Variants in NECTIN2 observed in about 807,000 individuals in gnomAD.
NECTIN2 encodes the protein nectin-2.
In NECTIN2, 23 loss-of-function variants were observed where a neutral mutation model predicts 56.9. The observed-to-expected ratio is 0.40, with a 90% CI of 0.29 to 0.57. The LOEUF (loss-of-function observed/expected upper bound fraction) is 0.57. Among genes scored for constraint, NECTIN2 ranks in the 20% least tolerant of loss-of-function variants. The pLI is 0.38. For missense variants in NECTIN2, 587 were observed against 718.3 expected (o/e 0.82, Z 2.09); for synonymous variants, 302 against 313.8 (o/e 0.96, Z 0.40).
chr19:44,866,056 C>G (rs1003227778), intron 2 of NECTIN2, among the ~76,000 whole-genome samples: 27 of 151,900 alleles, frequency 1.8e-4, no homozygotes, highest in Non-Finnish European at 3.5e-4. Flanking sequence ...CCTATAATCC[C>G]AGATACTCAG....
chr19:44,847,988 G>T (rs1968856737), intron 1 of NECTIN2, among the ~76,000 whole-genome samples: 1 of 152,176 alleles, frequency 6.6e-6, no homozygotes, highest in Non-Finnish European at 1.5e-5. Context: ...CCCCTTGCAG[G>T]TGACCCGGTT....
chr19:44,874,272 G>A lies in NECTIN2; in HGVS notation c.894-58G>A, dbSNP rs545629907. ...CTGGTGGGTGTATCTTTAGGGATGA[G>A]GCCTGTGCTCCCCTCTCGACCTTGG... On this transcript the variant is annotated intron_variant, in intron 4 of 8. Transcript: ENST00000252483. This position sits in a 1 kb window ranked among gnomAD's most constrained non-coding sequence, Gnocchi z 6.3. 132 of 1,570,272 alleles carry A rather than the reference G, an allele frequency of 8.4e-5. No individual in the cohort carries two copies. Among genetic ancestry groups the A allele is most frequent in the Non-Finnish European group, 1.0e-4 (119 of 1,141,500 alleles).
intron 2 of NECTIN2, among the ~76,000 whole-genome samples, chr19:44,866,985 CA>C (rs2122669541): frequency 6.6e-6 from 1 of 152,068 alleles, no homozygotes; most frequent in African/African-American, 2.4e-5. Flanking sequence ...CCATCCTAGG[CA>C]ACATAGTAAG....
At chr19:44,871,390 T>G (rs1053316019) in intron 2 of NECTIN2, among the ~76,000 whole-genome samples, 1 of 152,066 alleles carries the variant, frequency 6.6e-6, no homozygotes, top group South Asian at 2.1e-4. Flanking sequence ...TAGCCGGGCA[T>G]GGTGGTGCAT....
intron 5 of NECTIN2, among the ~76,000 whole-genome samples, chr19:44,880,025 G>T (rs1245128039): frequency 6.6e-6 from 1 of 152,202 alleles, no homozygotes; most frequent in East Asian, 1.9e-4. Context: ...CCCTCCAGAG[G>T]ATGCCAGGCT....
chr19:44,857,484 C>T (rs550366713), intron 1 of NECTIN2, among the ~76,000 whole-genome samples: 3 of 151,648 alleles, frequency 2.0e-5, no homozygotes, highest in African/African-American at 4.8e-5. Context: ...TCACTGCAAC[C>T]TCCACCTCCC....
intron 1 of NECTIN2, among the ~76,000 whole-genome samples, chr19:44,849,422 C>T (rs950925792): frequency 6.6e-6 from 1 of 151,538 alleles, no homozygotes; most frequent in Non-Finnish European, 1.5e-5. Context: ...CAGGGGGCCT[C>T]AAGGCCAGCG....
In NECTIN2 at chr19:44,880,774, A is replaced by AT. The variant is rs750316064; in HGVS notation, c.1043-1419dup. Among the ~76,000 whole-genome samples, 841 of 122,106 alleles carry AT rather than the reference A, an allele frequency of 6.9e-3. 9 individuals carry two copies. The highest frequency in any genetic ancestry group is 0.02 in the African/African-American group (662 of 32,454). 80.1% of individuals were successfully genotyped at this position (122,106 alleles called of 152,430 possible). On this transcript the variant is annotated intron_variant, in intron 5 of 8. Transcript: ENST00000252483. The stretch of plus-strand genomic sequence containing the variant: ...AGTCACTGTGCCTGGCCCCTGGCTA[A>AT]TTTTTTTTTTTTTTTTTTAAGACGG...
intron 1 of NECTIN2, among the ~76,000 whole-genome samples, chr19:44,851,770 C>A (rs560003622): frequency 6.6e-6 from 1 of 152,334 alleles, no homozygotes; most frequent in East Asian, 1.9e-4. Context: ...CTGGCCATGT[C>A]CTGGCCAAGT....
intron 5 of NECTIN2, chr19:44,878,678 G>A (rs1220870500): frequency 6.0e-5 from 78 of 1,296,762 alleles, no homozygotes; most frequent in Non-Finnish European, 7.4e-5. Flanking sequence ...ACCTGACCAC[G>A]CCGGCCTAGG....
At chr19:44,857,962 G>C (rs1429326604) in intron 1 of NECTIN2, among the ~76,000 whole-genome samples, 5 of 152,178 alleles carry the variant, frequency 3.3e-5, no homozygotes, top group African/African-American at 1.2e-4. Context: ...ATAACAGAAG[G>C]TATTGATTGG....
At chr19:44,871,819 A>G in intron 2 of NECTIN2, 34 bp from the exon 3 acceptor site, 1 of 1,597,334 alleles carries the variant, frequency 6.3e-7, no homozygotes, top group Non-Finnish European at 8.6e-7. Context: ...ACTGCCGGTG[A>G]GGAGTGACGC....
At position 44,860,025 on chromosome 19, in the gene NECTIN2, TAAA is replaced by T. The variant is rs1168469338; in HGVS notation, c.89-5245_89-5243del. Among the ~76,000 whole-genome samples the T allele has an allele frequency of 3.0e-4, 45 of 152,082 alleles. 1 individual carries two copies. On this transcript the variant is annotated intron_variant, in intron 1 of 8. Transcript: ENST00000252483. The stretch of plus-strand genomic sequence containing the variant: ...CATGTAGTGGAATATTATTGAGCCT[TAAA>T]GAAGAGTGAAGCGCCGACACGTGTT...
intron 5 of NECTIN2, among the ~76,000 whole-genome samples, chr19:44,880,260 A>G (rs1276856117): frequency 6.7e-6 from 1 of 148,808 alleles, no homozygotes. Context: ...CTTCAGTGCC[A>G]TGCTGAGTCC....
chr19:44,866,975 C>A, intron 2 of NECTIN2, among the ~76,000 whole-genome samples: 2 of 152,050 alleles, frequency 1.3e-5, no homozygotes, highest in East Asian at 3.9e-4. Context: ...GAATTTGAGA[C>A]CATCCTAGGC....
chr19:44,848,138 C>G (rs2122618653), intron 1 of NECTIN2, among the ~76,000 whole-genome samples: 1 of 152,294 alleles, frequency 6.6e-6, no homozygotes, highest in East Asian at 1.9e-4. Flanking sequence ...GGCCTCCCAG[C>G]TTTGACCCAG....
At chr19:44,853,637 C>G (rs1241247116) in intron 1 of NECTIN2, among the ~76,000 whole-genome samples, 4 of 146,860 alleles carry the variant, frequency 2.7e-5, no homozygotes, top group Non-Finnish European at 6.0e-5. Flanking sequence ...TACGGGGGCC[C>G]GCCACCACGC....
Position 44,865,149 on chromosome 19 carries a change from A to G in NECTIN2, c.89-122A>G, listed in dbSNP as rs549704242. ...CTTTTTTGGAATCAGGATGCTGCGA[A>G]GCTGCCTACGTTGCATGCGGAGCCT... On this transcript the variant is annotated intron_variant, in intron 1 of 8. Transcript: ENST00000252483. This position sits in a 1 kb window ranked among gnomAD's most constrained non-coding sequence, Gnocchi z 5.2. The G allele has an allele frequency of 3.7e-6, 4 of 1,086,092 alleles. No individual in the cohort carries two copies. In the African/African-American group the frequency reaches 6.3e-5, roughly 17 times the overall value. 67.3% of individuals were successfully genotyped at this position (1,086,092 alleles called of 1,614,324 possible). A position where few individuals can be genotyped will look rare whatever the true frequency, so the allele number is the denominator to read the frequency against.
chr19:44,865,554 G>A lies in NECTIN2; in HGVS notation c.372G>A (p.Thr124=), dbSNP rs916044396. 15 of 1,565,112 alleles carry A rather than the reference G, an allele frequency of 9.6e-6. No individual in the cohort carries two copies. Among genetic ancestry groups the A allele is most frequent in the African/African-American group, 5.4e-5 (4 of 73,756 alleles). Residue 124 remains threonine (T), a synonymous_variant, in exon 2 of 9, where the codon ACG becomes ACA. Coordinates refer to ENST00000252483, the MANE Select transcript of NECTIN2 (RefSeq NM_001042724.2). The surrounding 1 kb of genome is among the most constrained non-coding windows in gnomAD (Gnocchi z 5.2). ...CAGAGGCAGAGCTCCAGGACGCCAC[G>A]CTGGCCCTCCACGGGCTCACGGTGG... ...QDTEAELQDA[T]LALHGLTVED... is the part of the protein sequence containing the mutation.
Sources: allele counts gnomAD v4.1 joint callset (sites outside exome capture counted in the v4.1 genomes callset), GRCh38; gene constraint gnomAD v4.1.1; non-coding constraint Gnocchi (gnomAD v3.1); transcripts MANE v1.5; gene names NCBI Gene and HGNC (gene_info 2026-07-23, HGNC 2026-07-21).